Variants in PTK2B observed in about 807,000 individuals in gnomAD.
PTK2B encodes protein tyrosine kinase 2 beta.
A neutral mutation model predicts 142.9 loss-of-function variants in PTK2B; 71 were observed. The ratio of observed to expected loss-of-function variants is 0.50; its 90% CI spans 0.41 to 0.61. The LOEUF (loss-of-function observed/expected upper bound fraction) is 0.61, where lower values mean the gene tolerates loss of function less well. Ranked by LOEUF, PTK2B falls within the 20% of genes least tolerant of loss-of-function variation. The pLI, the probability that PTK2B is intolerant of heterozygous loss-of-function variation, is 0.00. For synonymous variants in PTK2B, 519 were observed against 503.4 expected (o/e 1.03, Z -0.42); for missense variants, 1,105 against 1,320.4 (o/e 0.84, Z 2.53).
At chr8:27,431,994 AT>A (rs368559738) in intron 9 of PTK2B, 5,004 of 331,492 alleles carry the variant, frequency 0.015, no homozygotes, top group East Asian at 0.034. Flanking sequence ...TTTTTGTGCG[AT>A]TTTTTTTTTT....
At chr8:27,402,374 A>G (rs1050561099) in intron 2 of PTK2B, among the ~76,000 whole-genome samples, 1 of 152,204 alleles carries the variant, frequency 6.6e-6, no homozygotes, top group Non-Finnish European at 1.5e-5. Flanking sequence ...TGTGGAGTAC[A>G]ATTGAGACAC....
intron 1 of PTK2B, among the ~76,000 whole-genome samples, chr8:27,338,201 G>A (rs539831643): frequency 3.3e-5 from 5 of 152,228 alleles, no homozygotes; most frequent in African/African-American, 1.2e-4. Flanking sequence ...CCTTTACAAA[G>A]TATTTATTTT....
intron 1 of PTK2B, among the ~76,000 whole-genome samples, chr8:27,336,006 C>G (rs76133962): frequency 6.6e-6 from 1 of 152,112 alleles, no homozygotes. Context: ...GAATTCTTTC[C>G]GGGTCTCAGG....
Position 27,450,864 on chromosome 8 carries a change from A to G in PTK2B, c.2456A>G (p.Tyr819Cys). The G allele has an allele frequency of 6.2e-7, 1 of 1,614,206 alleles. No individual in the cohort carries two copies. The highest frequency in any genetic ancestry group is 8.5e-7 in the Non-Finnish European group (1 of 1,180,026). The change falls in exon 25 of 31, where the codon TAC becomes TGC. Residue 819 changes from tyrosine to cysteine, a missense_variant. Physicochemically the swap from Tyr to Cys is radical, Grantham distance 194. Transcript: ENST00000346049. ...DKQQKQMVED[Y>C]QWLRQEEKSL... is the part of the protein sequence containing the mutation. ...CAGCAGAAGCAGATGGTGGAGGACT[A>G]CCAGTGGCTCAGGCAGGAGGAGAAG...
intron 1 of PTK2B, among the ~76,000 whole-genome samples, chr8:27,381,913 A>T (rs975695261): frequency 3.2e-4 from 49 of 152,278 alleles, no homozygotes; most frequent in Admixed American, 3.1e-3. Flanking sequence ...GATTAGTGAT[A>T]TCGAGCATAT....
intron 1 of PTK2B, chr8:27,396,040 ATTC>A (rs1036042513): frequency 2.6e-5 from 4 of 152,164 alleles, no homozygotes; most frequent in African/African-American, 9.7e-5. Flanking sequence ...CAGATTGCAT[ATTC>A]TTCTCTCCAT....
chr8:27,371,985 C>T (rs1806388665), intron 1 of PTK2B, among the ~76,000 whole-genome samples: 1 of 152,156 alleles, frequency 6.6e-6, no homozygotes. Flanking sequence ...GCTAGGGACA[C>T]TCATATGTTC....
intron 1 of PTK2B, among the ~76,000 whole-genome samples, chr8:27,383,765 A>C (rs907513629): frequency 3.3e-5 from 5 of 151,912 alleles, no homozygotes; most frequent in African/African-American, 1.2e-4. Flanking sequence ...AGCTCACTGC[A>C]TTCTTGACCT....
intron 2 of PTK2B, among the ~76,000 whole-genome samples, chr8:27,403,748 C>T (rs566031919): frequency 0.015 from 2,080 of 137,812 alleles, 58 homozygotes; most frequent in African/African-American, 0.053. Flanking sequence ...CTCTTTGGCT[C>T]TTGCTGCTGC....
At chr8:27,366,254 T>C in intron 1 of PTK2B, among the ~76,000 whole-genome samples, 1 of 152,230 alleles carries the variant, frequency 6.6e-6, no homozygotes, top group East Asian at 1.9e-4. Flanking sequence ...TCCACCCCAG[T>C]ACCTCCCACC....
intron 2 of PTK2B, among the ~76,000 whole-genome samples, chr8:27,418,793 C>T (rs984962097): frequency 6.6e-6 from 1 of 151,948 alleles, no homozygotes; most frequent in Non-Finnish European, 1.5e-5. Flanking sequence ...TTTGGGAGGC[C>T]GAGGCAGGCA....
intron 10 of PTK2B, among the ~76,000 whole-genome samples, chr8:27,432,990 C>A (rs1447082650): frequency 2.0e-5 from 3 of 152,160 alleles, no homozygotes; most frequent in Non-Finnish European, 1.5e-5. Context: ...CAAGGCCCAA[C>A]TAATTTTTGT....
rs149759055 is a variant in PTK2B, at chr8:27,427,659, A to C, written c.552-2434A>C. On this transcript the variant is annotated intron_variant, in intron 5 of 30. Transcript: ENST00000346049. ...GACCAAGCTGCCTATAATCACCCAGAGGTGTCTTATTAATGTGGAGGCTGA... is the reference window on the plus strand; with the variant it reads ...GACCAAGCTGCCTATAATCACCCAGCGGTGTCTTATTAATGTGGAGGCTGA... 2.6e-5 allele frequency among the ~76,000 whole-genome samples: 4 copies of C among 152,294 alleles called. No individual in the cohort carries two copies. In the East Asian group the frequency reaches 7.7e-4, roughly 29 times the overall value.
intron 2 of PTK2B, among the ~76,000 whole-genome samples, chr8:27,400,632 GGAAA>G (rs1808322163): frequency 6.6e-6 from 1 of 152,080 alleles, no homozygotes; most frequent in Non-Finnish European, 1.5e-5. Flanking sequence ...ATATAGGGAG[GGAAA>G]GAAAGGAAGG....
At chr8:27,358,402 A>G (rs990990489) in intron 1 of PTK2B, among the ~76,000 whole-genome samples, 3 of 152,074 alleles carry the variant, frequency 2.0e-5, no homozygotes, top group Non-Finnish European at 4.4e-5. Flanking sequence ...CTTCTTGGCA[A>G]ATTTTTCCTT....
At chr8:27,338,487 A>G (rs1469045679) in intron 1 of PTK2B, among the ~76,000 whole-genome samples, 2 of 152,218 alleles carry the variant, frequency 1.3e-5, no homozygotes, top group Non-Finnish European at 2.9e-5. Context: ...AGAAATGACC[A>G]CTAAAGAACT....
At chr8:27,434,399 T>C in intron 12 of PTK2B, 114 bp from the exon 13 acceptor site, 1 of 1,259,370 alleles carries the variant, frequency 7.9e-7, no homozygotes, top group Non-Finnish European at 1.1e-6. Context: ...TCATTGCTAA[T>C]TTGGACAGAC....
chr8:27,390,682 A>C (rs1304204353), intron 1 of PTK2B, among the ~76,000 whole-genome samples: 1 of 152,200 alleles, frequency 6.6e-6, no homozygotes, highest in Non-Finnish European at 1.5e-5. Flanking sequence ...AGAATTAAAA[A>C]GTGGGTCTTA....
intron 10 of PTK2B, 27 bp from the exon 11 acceptor site, chr8:27,433,408 C>T (rs778608581): frequency 6.3e-7 from 1 of 1,588,358 alleles, no homozygotes. Context: ...TCTGGGGTCT[C>T]ACCCTTGGCT....
Sources: gnomAD v4.1 joint callset for allele counts (sites outside exome capture counted in the v4.1 genomes callset) on GRCh38, gnomAD v4.1.1 for gene constraint, MANE v1.5 for transcripts, NCBI Gene and HGNC (gene_info 2026-07-23, HGNC 2026-07-21) for gene names.